Variants in KCNJ13 observed in about 807,000 individuals in gnomAD.
KCNJ13 encodes potassium inwardly rectifying channel subfamily J member 13.
A neutral mutation model predicts 24.6 loss-of-function variants in KCNJ13; 9 were observed. That is an observed-to-expected ratio of 0.37 (90% CI 0.22 to 0.64). The LOEUF (loss-of-function observed/expected upper bound fraction) is 0.64, where lower values mean the gene tolerates loss of function less well. KCNJ13 is among the 30% of genes least tolerant of loss of function. KCNJ13 has a pLI of 0.64. For synonymous variants in KCNJ13, 148 were observed against 154.7 expected, an observed-to-expected ratio of 0.96 and a Z score of 0.32; for missense variants, 337 against 443.8, an observed-to-expected ratio of 0.76 and a Z score of 2.16.
Position 232,768,344 on chromosome 2 carries a change from T to C in KCNJ13, c.930A>G (p.Glu310=), listed in dbSNP as rs377736321. 1.5e-5 allele frequency: 25 copies of C among 1,614,062 alleles called. No individual in the cohort carries two copies. Among genetic ancestry groups the C allele is most frequent in the East Asian group, 6.7e-5 (3 of 44,890 alleles). ...ASLLTRGSKG[E]YQIKMENFDK... The stretch of plus-strand genomic sequence containing the variant: ...CAAAATTCTCCATCTTGATTTGATA[T>C]TCACCTTTGGAACCTCGGGTCAACA... Residue 310 remains glutamate, a synonymous_variant, in exon 3 of 3, where the codon GAA becomes GAG. Coordinates refer to ENST00000233826, the MANE Select transcript of KCNJ13 (RefSeq NM_002242.4).
intron 1 of KCNJ13, among the ~76,000 whole-genome samples, chr2:232,771,892 T>G (rs1485482485): frequency 6.6e-6 from 1 of 152,164 alleles, no homozygotes; most frequent in Admixed American, 6.5e-5. Flanking sequence ...TGAAGCCAGA[T>G]TTAGTATAGG....
At chr2:232,771,838 A>G (rs1305458544) in intron 1 of KCNJ13, among the ~76,000 whole-genome samples, 1 of 152,220 alleles carries the variant, frequency 6.6e-6, no homozygotes, top group Non-Finnish European at 1.5e-5. Flanking sequence ...GTAAATAATT[A>G]GAAGTCATTT....
chr2:232,771,538 G>T, intron 1 of KCNJ13, 160 bp from the exon 2 acceptor site: 2 of 536,372 alleles, frequency 3.7e-6, no homozygotes, highest in African/African-American at 3.8e-5. Context: ...CATTTACTAA[G>T]TCATTCATTT....
rs780403245 is a variant in KCNJ13 at position 232,768,605 on chromosome 2, A to C, written c.669T>G (p.Asp223Glu). The C allele has an allele frequency of 1.9e-6, 3 of 1,614,164 alleles. No individual in the cohort carries two copies. The highest frequency in any genetic ancestry group is 2.5e-6 in the Non-Finnish European group (3 of 1,180,018). Residue 223 changes from aspartate to glutamate, a missense_variant, in exon 3 of 3, where the codon GAT becomes GAG. Coordinates refer to ENST00000233826, the MANE Select transcript of KCNJ13 (RefSeq NM_002242.4). ...CAGAACTGATGCCATCAAGGTGGAA[A>C]TCCACACTGGTCTGGTAGAGTTTGC... is the stretch of plus-strand genomic sequence containing the variant. ...ENGKLYQTSV[D>E]FHLDGISSDE...
intron 1 of KCNJ13, among the ~76,000 whole-genome samples, chr2:232,774,896 T>C (rs527642376): frequency 6.6e-6 from 1 of 152,320 alleles, no homozygotes; most frequent in South Asian, 2.1e-4. Flanking sequence ...AAATTCATCA[T>C]TCTCATTTGG....
rs1207285535 is a variant in KCNJ13, at chr2:232,772,128, G to A, written c.-16-750C>T. ...CTGGGCTCAATATATTGCCTAGGCTGGTCTCAGACTCCTGTTCTCAAGCCA... is the reference window on the plus strand; with the variant it reads ...CTGGGCTCAATATATTGCCTAGGCTAGTCTCAGACTCCTGTTCTCAAGCCA... On this transcript the variant is annotated intron_variant, in intron 1 of 2. Coordinates refer to ENST00000233826, the MANE Select transcript of KCNJ13 (RefSeq NM_002242.4). 2.0e-5 allele frequency among the ~76,000 whole-genome samples: 3 copies of A among 152,226 alleles called. 1 individual carries two copies. The East Asian group carries it at 5.8e-4, about 29-fold the overall frequency.
intron 1 of KCNJ13, among the ~76,000 whole-genome samples, chr2:232,773,275 T>C (rs1304675712): frequency 6.6e-6 from 1 of 152,208 alleles, no homozygotes; most frequent in Non-Finnish European, 1.5e-5. Context: ...AACAAAATCT[T>C]CATAGGCACT....
intron 1 of KCNJ13, among the ~76,000 whole-genome samples, chr2:232,776,179 C>T (rs1400756229): frequency 3.2e-4 from 49 of 151,816 alleles, no homozygotes; most frequent in Admixed American, 3.2e-3. Context: ...AGGCCTTTAT[C>T]CTCTACTGAT....
intron 2 of KCNJ13, among the ~76,000 whole-genome samples, chr2:232,769,944 G>A (rs1305572787): frequency 6.6e-6 from 1 of 152,086 alleles, no homozygotes; most frequent in African/African-American, 2.4e-5. Flanking sequence ...TATGATTTCT[G>A]TTTGAATCAA....
chr2:232,776,310 C>T, intron 1 of KCNJ13, 135 bp downstream of exon 1: 1 of 571,914 alleles, frequency 1.7e-6, no homozygotes, highest in Non-Finnish European at 3.1e-6. Context: ...AGAAACCTTA[C>T]TATCCTACAC....
At chr2:232,776,018 T>C (rs1297704352) in intron 1 of KCNJ13, among the ~76,000 whole-genome samples, 1 of 152,192 alleles carries the variant, frequency 6.6e-6, no homozygotes, top group Admixed American at 6.5e-5. Flanking sequence ...ACGATTAGGA[T>C]ACTCATCACT....
At position 232,768,548 on chromosome 2, in the gene KCNJ13, C is replaced by T. The variant is rs528587960; in HGVS notation, c.726G>A (p.Thr242=). The change falls in exon 3 of 3, where the codon ACG becomes ACA. Residue 242 remains threonine (T), a synonymous_variant. Transcript: ENST00000233826. ...TTGATGGTGTAATGGAGTGATAGTA[C>T]GTTAGTGGAAAGATGAAGAATGGAC... ...DECPFFIFPL[T]YYHSITPSSP... 23 of 1,614,054 alleles carry T rather than the reference C, an allele frequency of 1.4e-5. 1 individual carries two copies. Among genetic ancestry groups the T allele is most frequent in the Admixed American group, 3.3e-5 (2 of 60,002 alleles).
intron 2 of KCNJ13, among the ~76,000 whole-genome samples, chr2:232,770,484 A>C (rs1574859883): frequency 6.6e-6 from 1 of 152,348 alleles, no homozygotes; most frequent in East Asian, 1.9e-4. Flanking sequence ...TAGCTCAGTG[A>C]AGAAAAAAAA....
Position 232,768,257 on chromosome 2 carries a change from C to T in KCNJ13, c.1017G>A (p.Leu339=). 1 of 1,613,916 alleles carries T rather than the reference C, an allele frequency of 6.2e-7. No homozygotes were observed. The highest frequency in any genetic ancestry group is 8.5e-7 in the Non-Finnish European group (1 of 1,179,892). ...TGCTTTGTCCATTGATGTGGATATC[C>T]AGGTCAGTCCTGTTTGGGCTTTTAG... ...LVSKSPNRTD[L]DIHINGQSID... The change falls in exon 3 of 3, where the codon CTG becomes CTA. Residue 339 remains leucine (L), a synonymous_variant. Coordinates refer to ENST00000233826, the MANE Select transcript of KCNJ13 (RefSeq NM_002242.4).
intron 2 of KCNJ13, among the ~76,000 whole-genome samples, chr2:232,769,434 G>A (rs1414573686): frequency 6.6e-6 from 1 of 150,818 alleles, no homozygotes; most frequent in Non-Finnish European, 1.5e-5. Context: ...AGGAGGCTGA[G>A]GCAGGAGATT....
At position 232,768,801 on chromosome 2, in the gene KCNJ13, G is replaced by T. The variant is rs727503972; in HGVS notation, c.473C>A (p.Ala158Glu). ...LEAFITGAFVAKIARPKNRAF... is the reference protein window; with the variant it reads ...LEAFITGAFVEKIARPKNRAF... ...TCGATTTTTTGGCCGGGCAATCTTCGCCACAAAAGCACCTAAATAAGAAAT... is the reference window on the plus strand; with the variant it reads ...TCGATTTTTTGGCCGGGCAATCTTCTCCACAAAAGCACCTAAATAAGAAAT... Residue 158 changes from alanine (A) to glutamate (E), a missense_variant, in exon 3 of 3, where the codon GCG becomes GAG. Ala to Glu is a moderately radical substitution (Grantham distance 107). This residue lies in a region of KCNJ13 where 235 missense variants were observed against 286.9 expected (regional missense o/e 0.82). Transcript: ENST00000233826. 5 of 1,604,218 alleles carry T rather than the reference G, an allele frequency of 3.1e-6. No individual in the cohort carries two copies. The highest frequency in any genetic ancestry group is 1.7e-5 in the Admixed American group (1 of 59,186).
At position 232,766,249 on chromosome 2, in the gene KCNJ13, GT is replaced by G. The variant is rs1267654991; in HGVS notation, c.*1941del. 3.9e-5 allele frequency among the ~76,000 whole-genome samples: 6 copies of G among 152,030 alleles called. No individual in the cohort carries two copies. The highest frequency in any genetic ancestry group is 1.2e-4 in the African/African-American group (5 of 41,492). On this transcript the variant is annotated 3_prime_UTR_variant, in exon 3 of 3. Coordinates refer to ENST00000233826, the MANE Select transcript of KCNJ13 (RefSeq NM_002242.4). ...ATTAAATAACAGTAGTTTACCAATA[GT>G]TTTTTTTGGCATGTGTAGGGGAAGT...
intron 1 of KCNJ13, among the ~76,000 whole-genome samples, chr2:232,772,261 A>G (rs1221459656): frequency 6.6e-6 from 1 of 152,108 alleles, no homozygotes; most frequent in Admixed American, 6.6e-5. Flanking sequence ...GTCACTTTGC[A>G]ACCATGTTCG....
At chr2:232,769,405 C>T (rs1407875256) in intron 2 of KCNJ13, among the ~76,000 whole-genome samples, 2 of 151,444 alleles carry the variant, frequency 1.3e-5, no homozygotes, top group East Asian at 3.9e-4. Flanking sequence ...GTGGCACATG[C>T]CTGTAATCCC....
Sources: gnomAD v4.1 joint callset for allele counts (sites outside exome capture counted in the v4.1 genomes callset) on GRCh38, gnomAD v4.1.1 for gene constraint, gnomAD v4.1.1 regional missense constraint, MANE v1.5 for transcripts, NCBI Gene and HGNC (gene_info 2026-07-23, HGNC 2026-07-21) for gene names.